The following RERE variants were observed in gnomAD, a reference collection of about 807,000 sequenced individuals.
The protein encoded by RERE is arginine-glutamic acid dipeptide repeats protein.
Under a neutral mutation model 146.1 loss-of-function variants are expected in RERE, and 40 were observed. That is an observed-to-expected ratio of 0.27 (90% confidence interval 0.21 to 0.36). The LOEUF is 0.36. Ranked by LOEUF, RERE falls within the 10% of genes least tolerant of loss-of-function variation. The pLI, the probability that RERE is intolerant of heterozygous loss-of-function variation, is 1.00. For synonymous variants in RERE, 1,003 were observed against 866.0 expected, an observed-to-expected ratio of 1.16 and a Z score of -2.78; for missense variants, 1,933 against 2,138.7, an observed-to-expected ratio of 0.90 and a Z score of 1.90.
chr1:8,812,952 A>AC (rs1553152354), intron 1 of RERE, among the ~76,000 whole-genome samples: 69 of 151,812 alleles, frequency 4.5e-4, no homozygotes, highest in African/African-American at 1.3e-3. Flanking sequence ...TTAAAAAAAA[A>AC]ACACACACAC....
At chr1:8,456,297 C>T (rs1423590404) in intron 11 of RERE, among the ~76,000 whole-genome samples, 1 of 152,206 alleles carries the variant, frequency 6.6e-6, no homozygotes, top group Non-Finnish European at 1.5e-5. Context: ...AGGCTGATAA[C>T]AAGAGTAATG....
At chr1:8,395,820 T>G (rs2124432564) in intron 12 of RERE, among the ~76,000 whole-genome samples, 1 of 152,184 alleles carries the variant, frequency 6.6e-6, no homozygotes, top group East Asian at 1.9e-4. Flanking sequence ...CAGGAGGAAG[T>G]ATGAGAGGTT....
At chr1:8,735,488 T>C (rs902363252) in intron 1 of RERE, among the ~76,000 whole-genome samples, 1 of 152,234 alleles carries the variant, frequency 6.6e-6, no homozygotes. Context: ...CCATTTTTAC[T>C]TCCTGTATCT....
intron 12 of RERE, among the ~76,000 whole-genome samples, chr1:8,378,253 A>G (rs1642328798): frequency 6.6e-6 from 1 of 152,246 alleles, no homozygotes; most frequent in Non-Finnish European, 1.5e-5. Context: ...CACCTAAGGC[A>G]AACATCTTAG....
At chr1:8,363,794 C>T in intron 15 of RERE, 1 of 532,426 alleles carries the variant, frequency 1.9e-6, no homozygotes, top group South Asian at 2.3e-5. Flanking sequence ...CAAGAGGGGC[C>T]TTGGAGAGCC....
intron 1 of RERE, among the ~76,000 whole-genome samples, chr1:8,761,500 T>G (rs1007680428): frequency 6.6e-6 from 1 of 152,238 alleles, no homozygotes; most frequent in Non-Finnish European, 1.5e-5. Flanking sequence ...AAATTACCTA[T>G]GCTTCACACC....
At chr1:8,431,936 T>A (rs1266279455) in intron 11 of RERE, among the ~76,000 whole-genome samples, 2 of 152,098 alleles carry the variant, frequency 1.3e-5, no homozygotes, top group African/African-American at 4.8e-5. Context: ...CACCATGCCC[T>A]CTAGATTCAT....
chr1:8,588,512 T>G (rs1369634356), intron 4 of RERE, among the ~76,000 whole-genome samples: 1 of 152,128 alleles, frequency 6.6e-6, no homozygotes, highest in African/African-American at 2.4e-5. Context: ...ACTGACTCTA[T>G]GAGGAGTGAC....
chr1:8,717,009 T>A (rs1028678444), intron 1 of RERE, among the ~76,000 whole-genome samples: 1 of 152,222 alleles, frequency 6.6e-6, no homozygotes, highest in East Asian at 1.9e-4. Flanking sequence ...ATCACAATTT[T>A]AAAAAATAAA....
chr1:8,629,959 C>G (rs1647015646), intron 2 of RERE, among the ~76,000 whole-genome samples: 1 of 152,186 alleles, frequency 6.6e-6, no homozygotes, highest in African/African-American at 2.4e-5. Flanking sequence ...CTGGGTGGCA[C>G]AGCGGTGAAA....
Position 8,656,124 on chromosome 1 carries a change from G to A in RERE, c.174C>T (p.Asp58=), listed in dbSNP as rs151312464. 2.8e-5 allele frequency: 45 copies of A among 1,613,662 alleles called. No homozygotes were observed. The highest frequency in any genetic ancestry group is 1.6e-4 in the Middle Eastern group (1 of 6,084). The change falls in exon 2 of 23, where the codon GAC becomes GAT. Residue 58 remains aspartate (D), a synonymous_variant. Transcript: ENST00000400908. ...KNYAESDHSE[D]EDNDNNSATA... is the part of the protein sequence containing the mutation. ...TGGCACTATTGTTGTCATTGTCCTC[G>A]TCTTCACTGTGATCACTCTCAGCAT...
Position 8,358,347 on chromosome 1 carries a change from C to T in RERE, c.4188G>A (p.Leu1396=). 3 of 1,613,040 alleles carry T rather than the reference C, an allele frequency of 1.9e-6. No homozygotes were observed. Among genetic ancestry groups the T allele is most frequent in the Middle Eastern group, 1.7e-4 (1 of 6,060 alleles). Residue 1396 remains leucine (L), a synonymous_variant, in exon 20 of 23, where the codon CTG becomes CTA. Transcript: ENST00000400908. ...LRPEMSYPDR[L]AAERIHAERM... is the part of the protein sequence containing the mutation. ...GCTCTGCGTGGATACGCTCGGCTGC[C>T]AGTCTGTCAGGGTAGCTCATCTCGG...
rs1051836353 is a variant in RERE at position 8,628,714 on chromosome 1, C to T, written c.326-4334G>A. ...ATGTTTATAGCACAAAAATAAAGTG[C>T]TTTATTTGAAAAGGGAAAGATAAGA... is the stretch of plus-strand genomic sequence containing the variant. On this transcript the variant is annotated intron_variant, in intron 2 of 22. Coordinates refer to ENST00000400908, the MANE Select transcript of RERE (RefSeq NM_001042681.2). 9.2e-5 allele frequency among the ~76,000 whole-genome samples: 14 copies of T among 152,116 alleles called. 1 individual carries two copies. The highest frequency in any genetic ancestry group is 6.5e-4 in the Admixed American group (10 of 15,278).
At chr1:8,775,624 T>G (rs919808682) in intron 1 of RERE, among the ~76,000 whole-genome samples, 4 of 152,128 alleles carry the variant, frequency 2.6e-5, no homozygotes, top group African/African-American at 9.7e-5. Context: ...AAAAAACAAT[T>G]TTTTCCCTTA....
intron 10 of RERE, among the ~76,000 whole-genome samples, chr1:8,469,578 G>A (rs1050952052): frequency 2.0e-5 from 3 of 152,206 alleles, no homozygotes; most frequent in South Asian, 2.1e-4. Context: ...AGCTGAGATC[G>A]TGCCACTGCA....
intron 2 of RERE, among the ~76,000 whole-genome samples, chr1:8,634,164 C>A (rs866265097): frequency 2.0e-5 from 3 of 152,206 alleles, no homozygotes; most frequent in African/African-American, 7.2e-5. Flanking sequence ...CCCATCCTCA[C>A]GCTGCTGCTA....
intron 1 of RERE, among the ~76,000 whole-genome samples, chr1:8,678,049 G>C (rs1453482185): frequency 6.6e-6 from 1 of 152,180 alleles, no homozygotes; most frequent in Admixed American, 6.5e-5. Flanking sequence ...CAAAGGGCCT[G>C]CAGCCCTCCG....
intron 12 of RERE, among the ~76,000 whole-genome samples, chr1:8,416,547 C>T (rs1183820719): frequency 1.4e-5 from 2 of 141,930 alleles, no homozygotes; most frequent in Non-Finnish European, 3.0e-5. Context: ...GACTGCATAA[C>T]TGCACTCCAG....
At chr1:8,529,270 A>G in intron 7 of RERE, among the ~76,000 whole-genome samples, 1 of 143,514 alleles carries the variant, frequency 7.0e-6, no homozygotes, top group Admixed American at 7.3e-5. Context: ...AGCCTCCACA[A>G]CCATCAGTTC....
Sources: allele counts gnomAD v4.1 joint callset (sites outside exome capture counted in the v4.1 genomes callset), GRCh38; gene constraint gnomAD v4.1.1; transcripts MANE v1.5; gene names NCBI Gene and HGNC (gene_info 2026-07-23, HGNC 2026-07-21).